The following TNNI3K variants were observed in gnomAD, a reference collection of about 807,000 sequenced individuals.
TNNI3K encodes the protein TNNI3 interacting kinase, also known as serine/threonine-protein kinase TNNI3K.
TNNI3K carries 140 observed loss-of-function variants against 114.5 expected under a neutral mutation model. That is an observed-to-expected ratio of 1.22 (90% CI 1.07 to 1.41). TNNI3K has a LOEUF of 1.41. TNNI3K is among the 40% of genes most tolerant of loss of function. TNNI3K has a pLI of 0.00. For missense variants in TNNI3K, 1,125 were observed against 1,007.6 expected, an observed-to-expected ratio of 1.12 and a Z score of -1.58; for synonymous variants, 347 against 347.5, an observed-to-expected ratio of 1.00 and a Z score of 0.02.
intron 4 of TNNI3K, among the ~76,000 whole-genome samples, chr1:74,266,644 T>G (rs1280164765): frequency 1.3e-5 from 2 of 152,060 alleles, no homozygotes; most frequent in Non-Finnish European, 2.9e-5. Flanking sequence ...TTGAAATTTT[T>G]TTGTTTAATA....
intron 5 of TNNI3K, among the ~76,000 whole-genome samples, chr1:74,308,650 A>T (rs1427450603): frequency 6.6e-6 from 1 of 152,152 alleles, no homozygotes; most frequent in Non-Finnish European, 1.5e-5. Flanking sequence ...AGAAACAACT[A>T]AAATCAGAGC....
At chr1:74,304,146 T>C (rs1026627725) in intron 5 of TNNI3K, among the ~76,000 whole-genome samples, 4 of 152,224 alleles carry the variant, frequency 2.6e-5, no homozygotes, top group African/African-American at 9.6e-5. Flanking sequence ...GATAAAATAG[T>C]GGAAGTGCTT....
At chr1:74,287,357 T>C (rs992605413) in intron 5 of TNNI3K, among the ~76,000 whole-genome samples, 7 of 152,098 alleles carry the variant, frequency 4.6e-5, no homozygotes, top group Non-Finnish European at 1.0e-4. Flanking sequence ...AATATCCTTA[T>C]CCATGAAGCC....
At chr1:74,393,119 G>A (rs1442651865) in intron 17 of TNNI3K, among the ~76,000 whole-genome samples, 1 of 152,142 alleles carries the variant, frequency 6.6e-6, no homozygotes, top group East Asian at 1.9e-4. Flanking sequence ...TAGGTGAAAG[G>A]CAGCGGGCAC....
At chr1:74,501,941 A>T (rs1211917555) in intron 23 of TNNI3K, among the ~76,000 whole-genome samples, 1 of 152,084 alleles carries the variant, frequency 6.6e-6, no homozygotes, top group Non-Finnish European at 1.5e-5. Context: ...TAAGATATTT[A>T]TCCTCTGCAT....
chr1:74,309,037 GAC>G (rs966995202), intron 5 of TNNI3K, among the ~76,000 whole-genome samples: 2 of 152,054 alleles, frequency 1.3e-5, no homozygotes, highest in Non-Finnish European at 2.9e-5. Context: ...AAAAGCACTG[GAC>G]CAGACAGATT....
chr1:74,335,023 C>T (rs976167493), intron 6 of TNNI3K, among the ~76,000 whole-genome samples: 19 of 152,286 alleles, frequency 1.2e-4, no homozygotes, highest in African/African-American at 4.6e-4. Context: ...TCTCATCTAG[C>T]CCCACATTAA....
At chr1:74,267,081 A>T (rs1351498528) in intron 4 of TNNI3K, among the ~76,000 whole-genome samples, 1 of 152,000 alleles carries the variant, frequency 6.6e-6, no homozygotes, top group Admixed American at 6.6e-5. Context: ...TAGAGAGTGC[A>T]TAAAGGAAAC....
chr1:74,529,541 C>T (rs7551507), intron 23 of TNNI3K, among the ~76,000 whole-genome samples: 61,942 of 151,990 alleles, frequency 0.41, 14,993 homozygotes, highest in Non-Finnish European at 0.56. Flanking sequence ...CTATAAAAAG[C>T]GTTATTGAGA....
intron 21 of TNNI3K, chr1:74,470,953 A>C (rs1667897405): frequency 2.5e-6 from 1 of 400,622 alleles, no homozygotes; most frequent in Admixed American, 4.4e-5. Context: ...GGAATGTTGG[A>C]ATGGTAAAAC....
chr1:74,347,633 C>T (rs1388135662), intron 9 of TNNI3K, among the ~76,000 whole-genome samples: 1 of 152,140 alleles, frequency 6.6e-6, no homozygotes, highest in Non-Finnish European at 1.5e-5. Context: ...TAAAAGTGTT[C>T]CTATTTCTCC....
At chr1:74,489,869 A>AAT (rs1668966743) in intron 22 of TNNI3K, among the ~76,000 whole-genome samples, 2 of 152,252 alleles carry the variant, frequency 1.3e-5, no homozygotes, top group South Asian at 4.1e-4. Context: ...CTTGAAAAAT[A>AAT]ATATATTCTC....
chr1:74,280,371 A>C (rs967145906), intron 5 of TNNI3K, among the ~76,000 whole-genome samples: 1 of 151,100 alleles, frequency 6.6e-6, no homozygotes, highest in South Asian at 2.1e-4. Flanking sequence ...GACAGAGCGA[A>C]ACTCCATCTC....
At chr1:74,249,426 A>G in intron 2 of TNNI3K, 33 bp from the exon 3 acceptor site, 2 of 1,585,684 alleles carry the variant, frequency 1.3e-6, no homozygotes. Context: ...TAAAAGATGA[A>G]TTTTGTGATC....
intron 5 of TNNI3K, among the ~76,000 whole-genome samples, chr1:74,279,447 C>G (rs1570410094): frequency 6.6e-6 from 1 of 152,254 alleles, no homozygotes; most frequent in Non-Finnish European, 1.5e-5. Context: ...AAAATAGAAT[C>G]TCAAGACTAC....
At chr1:74,515,099 A>G (rs1171690157) in intron 23 of TNNI3K, among the ~76,000 whole-genome samples, 1 of 152,128 alleles carries the variant, frequency 6.6e-6, no homozygotes. Context: ...TCCTTCAGAA[A>G]GAACCAACCT....
intron 5 of TNNI3K, among the ~76,000 whole-genome samples, chr1:74,293,039 A>G (rs114918972): frequency 6.6e-6 from 1 of 151,764 alleles, no homozygotes; most frequent in Non-Finnish European, 1.5e-5. Context: ...TTTATTGGAC[A>G]TATCTTTTTC....
intron 7 of TNNI3K, among the ~76,000 whole-genome samples, 166 bp from the exon 8 acceptor site, chr1:74,342,676 T>C (rs553964006): frequency 9.2e-5 from 14 of 152,242 alleles, no homozygotes; most frequent in African/African-American, 3.4e-4. Flanking sequence ...AGAATAACAT[T>C]AAAATTTTAA....
intron 17 of TNNI3K, among the ~76,000 whole-genome samples, chr1:74,413,540 G>A (rs1664985136): frequency 6.6e-6 from 1 of 152,120 alleles, no homozygotes; most frequent in Non-Finnish European, 1.5e-5. Context: ...GAAATTAACT[G>A]ATATCTTCTG....
Sources: allele counts gnomAD v4.1 joint callset (sites outside exome capture counted in the v4.1 genomes callset), GRCh38; gene constraint gnomAD v4.1.1; transcripts MANE v1.5; gene names NCBI Gene and HGNC (gene_info 2026-07-23, HGNC 2026-07-21).